Variants in C19orf44 observed in about 807,000 individuals in gnomAD.
The protein encoded by C19orf44 is uncharacterized protein C19orf44.
Under a neutral mutation model 50.7 loss-of-function variants are expected in C19orf44, and 43 were observed. The observed-to-expected ratio is 0.85, with a 90% CI of 0.66 to 1.09. The LOEUF is 1.09. Among genes scored for constraint, C19orf44 ranks in the 50% least tolerant of loss-of-function variants. The pLI, the probability that C19orf44 is intolerant of heterozygous loss-of-function variation, is 0.00. For missense variants in C19orf44, 722 were observed against 836.2 expected (o/e 0.86, Z 1.68); for synonymous variants, 298 against 334.7 (o/e 0.89, Z 1.20).
At chr19:16,502,584 A>G (rs2093428656) in intron 2 of C19orf44, among the ~76,000 whole-genome samples, 1 of 152,142 alleles carries the variant, frequency 6.6e-6, no homozygotes. Flanking sequence ...TAAATATTGT[A>G]CTGTGACTTT....
intron 4 of C19orf44, among the ~76,000 whole-genome samples, chr19:16,507,416 C>T (rs954885571): frequency 6.6e-6 from 1 of 151,892 alleles, no homozygotes; most frequent in African/African-American, 2.4e-5. Context: ...GTTGGTTATA[C>T]ACAGTGATGA....
intron 5 of C19orf44, chr19:16,510,299 C>A (rs1194619505): frequency 5.3e-6 from 2 of 376,018 alleles, no homozygotes; most frequent in Admixed American, 7.7e-5. Flanking sequence ...CCCAGCTACT[C>A]AGGAAGCTGA....
Position 16,521,087 on chromosome 19 carries a change from T to G in C19orf44, c.*1034T>G, listed in dbSNP as rs2122243406. On this transcript the variant is annotated 3_prime_UTR_variant, in exon 9 of 9. Coordinates refer to ENST00000221671, the MANE Select transcript of C19orf44 (RefSeq NM_032207.4). ...CAGTGTTCCCACAGGGCTGTCCTCC[T>G]GCAGCCCAGTGGCTCCTCTGGTGCC... The G allele has an allele frequency of 1.6e-6, 1 of 637,518 alleles. No homozygotes were observed. The highest frequency in any genetic ancestry group is 2.7e-5 in the East Asian group (1 of 36,504). 39.5% of individuals were successfully genotyped at this position (637,518 alleles called of 1,614,324 possible).
intron 4 of C19orf44, among the ~76,000 whole-genome samples, chr19:16,508,142 C>T (rs1446112884): frequency 5.3e-5 from 8 of 150,448 alleles, no homozygotes; most frequent in Non-Finnish European, 8.9e-5. Context: ...CTCGCTCTGT[C>T]GCCCAGGCTG....
intron 1 of C19orf44, among the ~76,000 whole-genome samples, chr19:16,500,350 CTTTTTCTTTTTTT>C (rs892819633): frequency 2.0e-5 from 3 of 148,304 alleles, no homozygotes; most frequent in African/African-American, 7.4e-5. Context: ...TTTCTTTTTT[CTTTTTCTTTTTTT>C]TTTTTTTTAG....
intron 1 of C19orf44, among the ~76,000 whole-genome samples, chr19:16,499,989 A>G (rs2093420460): frequency 6.6e-6 from 1 of 151,872 alleles, no homozygotes; most frequent in Admixed American, 6.6e-5. Flanking sequence ...GGGTTTCACC[A>G]TGTTGATCAG....
chr19:16,512,892 C>A, intron 5 of C19orf44, 122 bp from the exon 6 acceptor site: 1 of 720,596 alleles, frequency 1.4e-6, no homozygotes, highest in Non-Finnish European at 2.2e-6. Flanking sequence ...GCAAGAGTGG[C>A]GATCACCTTC....
In C19orf44 at chr19:16,517,257, C is replaced by G; in HGVS notation, c.1930C>G (p.Leu644Val). 9 of 1,614,196 alleles carry G rather than the reference C, an allele frequency of 5.6e-6. No individual in the cohort carries two copies. Among genetic ancestry groups the G allele is most frequent in the Non-Finnish European group, 7.6e-6 (9 of 1,180,034 alleles). The part of the protein sequence containing the change: ...EYIRCHRPAP[L>V]TMEDALEEVN... ...CATTAGGTGCCACAGACCTGCCCCACTGACCATGGAGGATGCCCTGGAGGA... is the reference window on the plus strand; with the variant it reads ...CATTAGGTGCCACAGACCTGCCCCAGTGACCATGGAGGATGCCCTGGAGGA... Residue 644 changes from leucine to valine, a missense_variant, in exon 8 of 9, where the codon CTG (leucine) becomes GTG (valine). Transcript: ENST00000221671.
At chr19:16,502,479 G>C (rs1352847235) in intron 2 of C19orf44, among the ~76,000 whole-genome samples, 1 of 151,768 alleles carries the variant, frequency 6.6e-6, no homozygotes, top group Admixed American at 6.6e-5. Flanking sequence ...CTCATGATCT[G>C]CCCGCCTCGG....
rs181968124 is a variant in C19orf44, at chr19:16,502,973, T to C, written c.760-92T>C. ...CTGCCCTCCAGCCTAGGCAACAGAG[T>C]GAGACCCTTTCTCAAAAAAAAAAAA... is the stretch of plus-strand genomic sequence containing the variant. On this transcript the variant is annotated intron_variant, in intron 2 of 8. Coordinates refer to ENST00000221671, the MANE Select transcript of C19orf44 (RefSeq NM_032207.4). 2.6e-4 allele frequency: 315 copies of C among 1,212,714 alleles called. No individual in the cohort carries two copies. The African/African-American group carries it at 4.5e-3, about 17-fold the overall frequency. The allele number at this position is 1,212,714 out of a possible 1,614,324, so 75.1% of individuals were successfully genotyped here. A position where few individuals can be genotyped will look rare whatever the true frequency, so the allele number is the denominator to read the frequency against.
intron 7 of C19orf44, among the ~76,000 whole-genome samples, chr19:16,515,673 G>T (rs897054305): frequency 1.3e-5 from 2 of 151,960 alleles, no homozygotes; most frequent in Non-Finnish European, 2.9e-5. Flanking sequence ...GGGATTACAG[G>T]TGCCTGCCAC....
chr19:16,519,496 G>A lies in C19orf44; in HGVS notation c.*41-598G>A. 1 of 1,247,382 alleles carries A rather than the reference G, an allele frequency of 8.0e-7. No individual in the cohort carries two copies. Among genetic ancestry groups the A allele is most frequent in the Non-Finnish European group, 1.2e-6 (1 of 866,480 alleles). The allele number at this position is 1,247,382 out of a possible 1,614,324, so 77.3% of individuals were successfully genotyped here. ...GGCCGGCCCTGTCTAGAGGGTCTGG[G>A]TGGAGTCAGAACCGGCCTGACTCCA... On this transcript the variant is annotated intron_variant, in intron 8 of 8. Transcript: ENST00000221671. This position sits in a 1 kb window ranked among gnomAD's most constrained non-coding sequence, Gnocchi z 6.0.
chr19:16,515,696 A>C (rs61534895), intron 7 of C19orf44, among the ~76,000 whole-genome samples: 191 of 151,970 alleles, frequency 1.3e-3, no homozygotes, highest in African/African-American at 4.5e-3. Flanking sequence ...TGCCCAGCTA[A>C]TTTTTGGGAT....
At chr19:16,508,710 A>T (rs1437832655) in intron 4 of C19orf44, among the ~76,000 whole-genome samples, 1 of 151,576 alleles carries the variant, frequency 6.6e-6, no homozygotes, top group Non-Finnish European at 1.5e-5. Context: ...TTTTTAAAAT[A>T]TTTTTTTTCT....
intron 3 of C19orf44, 135 bp from the exon 4 acceptor site, chr19:16,506,566 C>G: frequency 1.8e-6 from 1 of 558,998 alleles, no homozygotes; most frequent in Non-Finnish European, 3.0e-6. Flanking sequence ...GCACTCCAGC[C>G]TGGGTGACAG....
In C19orf44 at chr19:16,520,826, C is replaced by T; in HGVS notation, c.*773C>T. 6.2e-7 allele frequency: 1 copy of T among 1,613,680 alleles called. No homozygotes were observed. Among genetic ancestry groups the T allele is most frequent in the Non-Finnish European group, 8.5e-7 (1 of 1,180,008 alleles). The stretch of plus-strand genomic sequence containing the variant: ...CCACTGCAGACATCTGCGCTTTTAC[C>T]TGTTCCTCTTCTCCTGGCCTTTCCT... On this transcript the variant is annotated 3_prime_UTR_variant, in exon 9 of 9. Coordinates refer to ENST00000221671, the MANE Select transcript of C19orf44 (RefSeq NM_032207.4). The surrounding 1 kb of genome is among the most constrained non-coding windows in gnomAD (Gnocchi z 4.0).
At chr19:16,510,296 A>T (rs773958875) in intron 5 of C19orf44, 4 of 375,742 alleles carry the variant, frequency 1.1e-5, no homozygotes, top group Non-Finnish European at 2.0e-5. Context: ...AATCCCAGCT[A>T]CTCAGGAAGC....
intron 7 of C19orf44, among the ~76,000 whole-genome samples, chr19:16,515,359 CAAA>C (rs1316782002): frequency 6.6e-6 from 1 of 151,970 alleles, no homozygotes; most frequent in Non-Finnish European, 1.5e-5. Context: ...GACTCCGTCT[CAAA>C]AAAACTTTTT....
At position 16,520,698 on chromosome 19, in the gene C19orf44, G is replaced by A. The variant is rs141604590; in HGVS notation, c.*645G>A. ...GCTGCTGTGTGAATTCAGGCCTTGT[G>A]GAAAACACCGCCCCATAGGCACAGG... On this transcript the variant is annotated 3_prime_UTR_variant, in exon 9 of 9. Transcript: ENST00000221671. The surrounding 1 kb of genome is among the most constrained non-coding windows in gnomAD (Gnocchi z 4.0). 1,906 of 1,171,926 alleles carry A rather than the reference G, an allele frequency of 1.6e-3. 25 individuals carry two copies. The African/African-American group carries it at 0.026, about 16-fold the overall frequency. The allele number at this position is 1,171,926 out of a possible 1,614,324, so 72.6% of individuals were successfully genotyped here. A position where few individuals can be genotyped will look rare whatever the true frequency, so the allele number is the denominator to read the frequency against.
Sources: allele counts gnomAD v4.1 joint callset (sites outside exome capture counted in the v4.1 genomes callset), GRCh38; gene constraint gnomAD v4.1.1; non-coding constraint Gnocchi (gnomAD v3.1); transcripts MANE v1.5; gene names NCBI Gene and HGNC (gene_info 2026-07-23, HGNC 2026-07-21).